The following ERG variants were observed in gnomAD, a reference collection of about 807,000 sequenced individuals.
The protein encoded by ERG is transcriptional regulator ERG.
ERG carries 9 observed loss-of-function variants against 55.3 expected under a neutral mutation model. The observed-to-expected ratio is 0.16, with a 90% CI of 0.10 to 0.28. The LOEUF (loss-of-function observed/expected upper bound fraction) is 0.28, where lower values mean the gene tolerates loss of function less well. ERG is among the 10% of genes least tolerant of loss of function. ERG has a pLI of 1.00. For missense variants in ERG, 434 were observed against 631.6 expected, an observed-to-expected ratio of 0.69 and a Z score of 3.35; for synonymous variants, 223 against 237.3, an observed-to-expected ratio of 0.94 and a Z score of 0.55.
At chr21:38,485,127 C>A (rs911550548) in intron 1 of ERG, among the ~76,000 whole-genome samples, 4 of 151,954 alleles carry the variant, frequency 2.6e-5, no homozygotes, top group South Asian at 2.1e-4. Flanking sequence ...TCCCTGCAGA[C>A]CTTCCAGTGG....
chr21:38,576,660 A>G lies in ERG; in HGVS notation c.-126-913T>C, dbSNP rs536267907. 2.5e-4 allele frequency among the ~76,000 whole-genome samples: 38 copies of G among 151,776 alleles called. No individual in the cohort carries two copies. In the South Asian group the frequency reaches 7.7e-3, roughly 31 times the overall value. ...GTCTCCAACCTCCCTTTGCTGTCAC[A>G]GGCCCCAGGGCTGACCTCTACAGAT... On this transcript the variant is annotated intron_variant, in intron 1 of 8. Coordinates refer to the ERG transcript ENST00000398897.
At chr21:38,455,666 G>A (rs1439506111) in intron 1 of ERG, among the ~76,000 whole-genome samples, 4 of 151,938 alleles carry the variant, frequency 2.6e-5, no homozygotes, top group Non-Finnish European at 5.9e-5. Flanking sequence ...GAAAATTCTG[G>A]CACAATGGAA....
chr21:38,580,075 C>T (rs565005550), intron 1 of ERG, among the ~76,000 whole-genome samples: 2 of 152,316 alleles, frequency 1.3e-5, no homozygotes, highest in South Asian at 4.1e-4. Flanking sequence ...CCGCCTCGGC[C>T]TCCCAAAGCA....
At chr21:38,643,430 G>C (rs2060437330) in intron 1 of ERG, among the ~76,000 whole-genome samples, 1 of 152,134 alleles carries the variant, frequency 6.6e-6, no homozygotes. Flanking sequence ...GGCTGCAGGG[G>C]ACAGAGTAAG....
chr21:38,613,593 C>T (rs1445318324), intron 1 of ERG, among the ~76,000 whole-genome samples: 2 of 152,200 alleles, frequency 1.3e-5, no homozygotes, highest in African/African-American at 2.4e-5. Context: ...TGGTGCTCGC[C>T]GCTCACTGTG....
At chr21:38,436,011 T>C (rs1017983566) in intron 2 of ERG, among the ~76,000 whole-genome samples, 12 of 105,336 alleles carry the variant, frequency 1.1e-4, no homozygotes, top group African/African-American at 3.8e-4. Flanking sequence ...AATTTTACTT[T>C]CTTTTTTTCT....
rs754469072 is a variant in ERG, at chr21:38,392,400, C to T, written c.790G>A (p.Gly264Ser). The T allele has an allele frequency of 1.5e-5, 23 of 1,566,752 alleles. No individual in the cohort carries two copies. The highest frequency in any genetic ancestry group is 2.3e-5 in the South Asian group (2 of 85,294). ...PPRRSAWTGH[G>S]HPTPQSKAAQ... ...CCTTTCGACTGGGGCGTGGGGTGGC[C>T]GTGACCGGTCCAGGCTGATCTCCTG... Residue 264 changes from glycine to serine, a missense_variant, in exon 7 of 10, where the codon GGC becomes AGC. This residue lies in a region of ERG where 99 missense variants were observed against 145.6 expected (regional missense o/e 0.68). Coordinates refer to ENST00000288319, the MANE Select transcript of ERG (RefSeq NM_182918.4).
At chr21:38,558,258 C>A (rs548262009) in intron 2 of ERG, among the ~76,000 whole-genome samples, 1 of 152,170 alleles carries the variant, frequency 6.6e-6, no homozygotes, top group Admixed American at 6.5e-5. Flanking sequence ...AGGGGACCAA[C>A]CACACCTTCT....
chr21:38,641,215 T>C (rs1442373675), intron 1 of ERG, among the ~76,000 whole-genome samples: 1 of 152,106 alleles, frequency 6.6e-6, no homozygotes, highest in Admixed American at 6.5e-5. Context: ...GGGAGGTGAT[T>C]AGGTGTTGAG....
intron 2 of ERG, among the ~76,000 whole-genome samples, chr21:38,554,531 T>C (rs1390659255): frequency 1.3e-5 from 2 of 152,158 alleles, no homozygotes; most frequent in South Asian, 2.1e-4. Flanking sequence ...GTAACATGAA[T>C]GGAGCTGGAG....
chr21:38,443,841 T>C (rs1404017761), intron 2 of ERG, among the ~76,000 whole-genome samples: 1 of 152,216 alleles, frequency 6.6e-6, no homozygotes, highest in Non-Finnish European at 1.5e-5. Flanking sequence ...TTGCATTTTC[T>C]ACCCAGGTCC....
chr21:38,563,198 T>A (rs1391546340), intron 2 of ERG, among the ~76,000 whole-genome samples: 1 of 152,214 alleles, frequency 6.6e-6, no homozygotes, highest in Non-Finnish European at 1.5e-5. Flanking sequence ...TAATGGTGGA[T>A]CCGTGTCATC....
At chr21:38,503,750 G>A (rs1291734499) in intron 2 of ERG, among the ~76,000 whole-genome samples, 2 of 152,106 alleles carry the variant, frequency 1.3e-5, no homozygotes, top group Non-Finnish European at 2.9e-5. Flanking sequence ...AGGGGTTTTT[G>A]CCAGGAACAT....
intron 2 of ERG, among the ~76,000 whole-genome samples, chr21:38,433,346 C>T (rs1990306900): frequency 6.6e-6 from 1 of 152,094 alleles, no homozygotes. Context: ...AGCAGTCAAT[C>T]TAATTTTTTA....
intron 1 of ERG, among the ~76,000 whole-genome samples, chr21:38,493,340 G>T (rs2059352530): frequency 6.6e-6 from 1 of 152,090 alleles, no homozygotes; most frequent in Non-Finnish European, 1.5e-5. Flanking sequence ...AGTAACATGG[G>T]AAAATGCTTG....
intron 2 of ERG, among the ~76,000 whole-genome samples, chr21:38,537,661 TCA>T (rs2059721490): frequency 6.6e-6 from 1 of 152,018 alleles, no homozygotes; most frequent in African/African-American, 2.4e-5. Flanking sequence ...TACCAAAAAA[TCA>T]GAAAATTACA....
intron 1 of ERG, among the ~76,000 whole-genome samples, chr21:38,479,975 G>T (rs538934888): frequency 6.6e-6 from 1 of 152,208 alleles, no homozygotes; most frequent in African/African-American, 2.4e-5. Flanking sequence ...ACCCGGAATT[G>T]CCAGGATCAG....
rs756574117 is a variant in ERG, at chr21:38,546,795, G to A, written c.-41+28867C>T. Among the ~76,000 whole-genome samples the A allele has an allele frequency of 4.5e-4, 68 of 152,318 alleles. 1 individual carries two copies. Among genetic ancestry groups the A allele is most frequent in the African/African-American group, 7.0e-4 (29 of 41,570 alleles). On this transcript the variant is annotated intron_variant, in intron 2 of 8. Coordinates refer to the ERG transcript ENST00000398897. ...GCAATTACACATCTTCTGGGTAAAC[G>A]TGGAGTGTGCAGCACAGAATACCAA...
At chr21:38,398,002 C>T (rs1415131345) in intron 6 of ERG, among the ~76,000 whole-genome samples, 1 of 152,154 alleles carries the variant, frequency 6.6e-6, no homozygotes, top group Non-Finnish European at 1.5e-5. Context: ...AAATGAAGAT[C>T]ATGGCACAGC....
Sources: gnomAD v4.1 joint callset for allele counts (sites outside exome capture counted in the v4.1 genomes callset) on GRCh38, gnomAD v4.1.1 for gene constraint, gnomAD v4.1.1 regional missense constraint, MANE v1.5 for transcripts, NCBI Gene and HGNC (gene_info 2026-07-23, HGNC 2026-07-21) for gene names.